ADARB1: variants seen among roughly 807,000 people sequenced by gnomAD.
ADARB1 encodes double-stranded RNA-specific editase 1.
A neutral mutation model predicts 52.4 loss-of-function variants in ADARB1; 10 were observed. That is an observed-to-expected ratio of 0.19 (90% CI 0.12 to 0.32). The LOEUF is 0.32. Ranked by LOEUF, ADARB1 falls within the 10% of genes least tolerant of loss-of-function variation. ADARB1 has a pLI of 1.00. For synonymous variants in ADARB1, 349 were observed against 371.1 expected (o/e 0.94, Z 0.68); for missense variants, 643 against 922.3 (o/e 0.70, Z 3.92).
intron 1 of ADARB1, among the ~76,000 whole-genome samples, chr21:45,102,046 A>G (rs1403034651): frequency 6.6e-6 from 1 of 152,062 alleles, no homozygotes; most frequent in Admixed American, 6.5e-5. Flanking sequence ...GCGCACTACC[A>G]CACCCAGCTA....
intron 2 of ADARB1, among the ~76,000 whole-genome samples, chr21:45,151,174 T>C (rs1420998945): frequency 6.6e-6 from 1 of 152,184 alleles, no homozygotes; most frequent in East Asian, 1.9e-4. Context: ...GGTGTAGAAC[T>C]ACAAAGTGTC....
chr21:45,087,972 G>A (rs2086412210), intron 1 of ADARB1, among the ~76,000 whole-genome samples: 1 of 152,228 alleles, frequency 6.6e-6, no homozygotes, highest in Non-Finnish European at 1.5e-5. Flanking sequence ...CAAATAAGCA[G>A]AATCGTAGTG....
intron 2 of ADARB1, among the ~76,000 whole-genome samples, chr21:45,151,448 G>A (rs1181837675): frequency 2.6e-5 from 4 of 152,220 alleles, no homozygotes; most frequent in African/African-American, 4.8e-5. Context: ...TTTGTTACAC[G>A]AGACAGTAAT....
At chr21:45,216,293 T>C (rs2092861031) in intron 9 of ADARB1, among the ~76,000 whole-genome samples, 1 of 152,112 alleles carries the variant, frequency 6.6e-6, no homozygotes, top group African/African-American at 2.4e-5. Context: ...GTCTTTTGTT[T>C]TATATTTCAA....
At chr21:45,139,196 C>T (rs1393510296) in intron 2 of ADARB1, among the ~76,000 whole-genome samples, 1 of 152,164 alleles carries the variant, frequency 6.6e-6, no homozygotes, top group Non-Finnish European at 1.5e-5. Context: ...GCTGGGATTA[C>T]AGGCGTGAGT....
chr21:45,082,766 T>G (rs2086202362), intron 1 of ADARB1, among the ~76,000 whole-genome samples: 1 of 152,230 alleles, frequency 6.6e-6, no homozygotes, highest in Non-Finnish European at 1.5e-5. Context: ...TCATCCCTTT[T>G]TACTGATAAC....
Position 45,176,128 on chromosome 21 carries a change from G to A in ADARB1, c.427G>A (p.Val143Ile), listed in dbSNP as rs558219105. The A allele has an allele frequency of 5.6e-6, 9 of 1,614,052 alleles. No homozygotes were observed. The highest frequency in any genetic ancestry group is 3.3e-5 in the South Asian group (3 of 91,070). The change falls in exon 4 of 11, where the codon GTT (valine) becomes ATT (isoleucine). Residue 143 changes from valine (V) to isoleucine (I), a missense_variant. Physicochemically the swap from Val to Ile is conservative, Grantham distance 29 (BLOSUM62 3). Around this residue, in one of 2 missense-constraint regions of ADARB1, gnomAD observed 380 missense variants for 446.5 expected, o/e 0.85. Transcript: ENST00000348831. This position sits in a 1 kb window ranked among gnomAD's most constrained non-coding sequence, Gnocchi z 5.8. The stretch of plus-strand genomic sequence containing the variant: ...TGCTGAGAAGGCCTTGAGGTCTTTC[G>A]TTCAGTTTCCTAATGCCTCTGAGGC... ...HAAEKALRSFVQFPNASEAHL... is the reference protein window; with the variant it reads ...HAAEKALRSFIQFPNASEAHL...
chr21:45,130,738 G>A (rs960605057), intron 2 of ADARB1, among the ~76,000 whole-genome samples: 27 of 152,270 alleles, frequency 1.8e-4, no homozygotes, highest in Non-Finnish European at 2.9e-4. Flanking sequence ...TCGCACTGCA[G>A]GGCTGTGGGG....
At chr21:45,215,726 T>C (rs2092850112) in intron 9 of ADARB1, among the ~76,000 whole-genome samples, 1 of 152,236 alleles carries the variant, frequency 6.6e-6, no homozygotes, top group South Asian at 2.1e-4. Flanking sequence ...TGCTATTCTT[T>C]TTATATATTG....
At chr21:45,076,494 G>A (rs2085941557) in intron 1 of ADARB1, among the ~76,000 whole-genome samples, 1 of 152,182 alleles carries the variant, frequency 6.6e-6, no homozygotes, top group Non-Finnish European at 1.5e-5. Flanking sequence ...ATTTGAAGCT[G>A]TAGTTGGAAA....
At chr21:45,121,828 G>A (rs556287101) in intron 1 of ADARB1, among the ~76,000 whole-genome samples, 13 of 152,166 alleles carry the variant, frequency 8.5e-5, no homozygotes, top group East Asian at 1.9e-4. Context: ...TCCTTTAGCC[G>A]TTGTTTTCTG....
At position 45,224,489 on chromosome 21, in the gene ADARB1, C is replaced by T; in HGVS notation, c.*2292C>T. On this transcript the variant is annotated 3_prime_UTR_variant, in exon 11 of 11. Transcript: ENST00000348831. ...AGCCAAGGCAACTGGGTTCTGGGAG[C>T]CCTGGGTGGGGCAGCTGTGGGGAGG... 1.3e-5 allele frequency: 9 copies of T among 705,022 alleles called. No individual in the cohort carries two copies. Among genetic ancestry groups the T allele is most frequent in the African/African-American group, 4.6e-5 (1 of 21,778 alleles). 43.7% of individuals were successfully genotyped at this position (705,022 alleles called of 1,614,324 possible).
rs1410749891 is a variant in ADARB1, at chr21:45,163,744, G to A, written c.-47-7866G>A. ...GTCGGGTGTGGACGGTGTGCTCCCT[G>A]GGCCTGCTCGGGGATGCTGAGTACC... On this transcript the variant is annotated intron_variant, in intron 2 of 10. Coordinates refer to ENST00000348831, the MANE Select transcript of ADARB1 (RefSeq NM_001112.4). Among the ~76,000 whole-genome samples the A allele has an allele frequency of 3.3e-5, 5 of 152,306 alleles. No homozygotes were observed. The East Asian group carries it at 5.8e-4, about 18-fold the overall frequency.
chr21:45,176,520 C>A lies in ADARB1; in HGVS notation c.819C>A (p.Phe273Leu), dbSNP rs778985197. Residue 273 changes from phenylalanine (F) to leucine (L), a missense_variant, in exon 4 of 11, where the codon TTC (phenylalanine) becomes TTA (leucine). Coordinates refer to ENST00000348831, the MANE Select transcript of ADARB1 (RefSeq NM_001112.4). This position sits in a 1 kb window ranked among gnomAD's most constrained non-coding sequence, Gnocchi z 5.8. ...FVMSVVVDGQ[F>L]FEGSGRNKKL... ...TGTCTGTGGTCGTGGATGGTCAGTT[C>A]TTTGAAGGCTCGGGGAGAAACAAGA... The A allele has an allele frequency of 6.2e-7, 1 of 1,614,184 alleles. No individual in the cohort carries two copies. The highest frequency in any genetic ancestry group is 8.5e-7 in the Non-Finnish European group (1 of 1,180,040).
chr21:45,142,989 G>A lies in ADARB1; in HGVS notation c.-48+14416G>A, dbSNP rs2089811745. ...AGCTCCAATGGCATCTGCGATGCTT[G>A]TAAAACAAGTAGCAGCCGTGTCCAG... On this transcript the variant is annotated intron_variant, in intron 2 of 10. Coordinates refer to ENST00000348831, the MANE Select transcript of ADARB1 (RefSeq NM_001112.4). The surrounding 1 kb of genome is among the most constrained non-coding windows in gnomAD (Gnocchi z 4.0). Among the ~76,000 whole-genome samples, 1 of 152,228 alleles carries A rather than the reference G, an allele frequency of 6.6e-6. No individual in the cohort carries two copies. The highest frequency in any genetic ancestry group is 1.5e-5 in the Non-Finnish European group (1 of 68,040).
chr21:45,101,209 G>C (rs1429283253), intron 1 of ADARB1: 1 of 152,290 alleles, frequency 6.6e-6, no homozygotes, highest in African/African-American at 2.4e-5. Context: ...GATCAGCCTC[G>C]GGGAGCAGGT....
chr21:45,224,558 ACT>A lies in ADARB1; in HGVS notation c.*2362_*2363del, dbSNP rs2093026397. 3.5e-6 allele frequency: 1 copy of A among 282,196 alleles called. No homozygotes were observed. Among genetic ancestry groups the A allele is most frequent in the African/African-American group, 1.2e-4 (1 of 8,172 alleles). The allele number at this position is 282,196 out of a possible 1,614,324, so 17.5% of individuals were successfully genotyped here. A position where few individuals can be genotyped will look rare whatever the true frequency, so the allele number is the denominator to read the frequency against. Reference sequence around the variant, plus strand: ...CTGGGCGGGGCGGCTGTTGGGGGGAACTGGGTTCGGGGTGCCCTGGGCAGGGG... The same window carrying A: ...CTGGGCGGGGCGGCTGTTGGGGGGAAGGGTTCGGGGTGCCCTGGGCAGGGG... On this transcript the variant is annotated 3_prime_UTR_variant, in exon 11 of 11. Transcript: ENST00000348831.
At chr21:45,119,025 CAG>C (rs2087991972) in intron 1 of ADARB1, among the ~76,000 whole-genome samples, 1 of 152,148 alleles carries the variant, frequency 6.6e-6, no homozygotes, top group Non-Finnish European at 1.5e-5. Context: ...GACATTTTAA[CAG>C]AGCTCTGGGA....
chr21:45,176,019 G>A lies in ADARB1; in HGVS notation c.318G>A (p.Ala106=), dbSNP rs201356458. The stretch of plus-strand genomic sequence containing the variant: ...TGTCCCAGACTGGGCCCGTGCACGC[G>A]CCTTTGTTTGTCATGTCTGTGGAGG... ...TLLSQTGPVH[A]PLFVMSVEVN... Residue 106 remains alanine, a synonymous_variant, in exon 4 of 11, where the codon GCG becomes GCA. Coordinates refer to ENST00000348831, the MANE Select transcript of ADARB1 (RefSeq NM_001112.4). The surrounding 1 kb of genome is among the most constrained non-coding windows in gnomAD (Gnocchi z 5.8). 40 of 1,614,076 alleles carry A rather than the reference G, an allele frequency of 2.5e-5. No individual in the cohort carries two copies. Among genetic ancestry groups the A allele is most frequent in the South Asian group, 5.5e-5 (5 of 91,084 alleles).
Sources: gnomAD v4.1 joint callset for allele counts (sites outside exome capture counted in the v4.1 genomes callset) on GRCh38, gnomAD v4.1.1 for gene constraint, gnomAD v4.1.1 regional missense constraint, Gnocchi (gnomAD v3.1) non-coding constraint, MANE v1.5 for transcripts, NCBI Gene and HGNC (gene_info 2026-07-23, HGNC 2026-07-21) for gene names.